PLA2G6: variants seen among roughly 807,000 people sequenced by gnomAD.
PLA2G6 encodes the protein phospholipase A2 group VI, also known as 85/88 kDa calcium-independent phospholipase A2.
Under a neutral mutation model 83.8 loss-of-function variants are expected in PLA2G6, and 62 were observed. The ratio of observed to expected loss-of-function variants is 0.74; its 90% confidence interval spans 0.60 to 0.91. PLA2G6 has a LOEUF of 0.91. Ranked by LOEUF, PLA2G6 falls within the 40% of genes least tolerant of loss-of-function variation. The probability of loss-of-function intolerance (pLI) is 0.00; values close to 1 mark genes in which losing one functional copy is unlikely to be tolerated. For synonymous variants in PLA2G6, 417 were observed against 449.8 expected, an observed-to-expected ratio of 0.93 and a Z score of 0.92; for missense variants, 944 against 1,102.0, an observed-to-expected ratio of 0.86 and a Z score of 2.03.
At chr22:38,112,657 CGGAGCCCCAGCCTGG>C in intron 15 of PLA2G6, 80 bp from the exon 16 acceptor site, 2 of 1,232,080 alleles carry the variant, frequency 1.6e-6, no homozygotes, top group Non-Finnish European at 2.3e-6. Flanking sequence ...CCTGCACTCT[CGGAGCCCCAGCCTGG>C]GGAGCCCCAG....
intron 10 of PLA2G6, chr22:38,125,515 G>C (rs1027336698): frequency 2.0e-5 from 7 of 348,832 alleles, no homozygotes; most frequent in Admixed American, 4.1e-5. Flanking sequence ...TCTGAGAAGA[G>C]AGCTTTCCCT....
chr22:38,131,289 T>A (rs1005625381), intron 7 of PLA2G6: 1 of 152,212 alleles, frequency 6.6e-6, no homozygotes, highest in Admixed American at 6.5e-5. Flanking sequence ...CCTCCCAAAG[T>A]GCTGGTGTAC....
In PLA2G6 at chr22:38,165,119, C is replaced by T. The variant is rs555010822; in HGVS notation, c.209+4099G>A. On this transcript the variant is annotated intron_variant, in intron 2 of 16. Coordinates refer to ENST00000332509, the MANE Select transcript of PLA2G6 (RefSeq NM_003560.4). Reference sequence around the variant, plus strand: ...CCTCCCACTTCCCAGCTCACTCCTTCAACTGCCCTCAATGCAACAGTCCTC... The same window carrying T: ...CCTCCCACTTCCCAGCTCACTCCTTTAACTGCCCTCAATGCAACAGTCCTC... Among the ~76,000 whole-genome samples, 3 of 152,374 alleles carry T rather than the reference C, an allele frequency of 2.0e-5. No individual in the cohort carries two copies. The South Asian group carries it at 6.2e-4, about 32-fold the overall frequency.
rs1425894976 is a variant in PLA2G6, at chr22:38,143,191, A to C, written c.523T>G (p.Cys175Gly). 6.2e-7 allele frequency: 1 copy of C among 1,614,046 alleles called. No homozygotes were observed. Among genetic ancestry groups the C allele is most frequent in the African/African-American group, 1.3e-5 (1 of 74,930 alleles). Residue 175 changes from cysteine (C) to glycine (G), a missense_variant, in exon 4 of 17, where the codon TGC becomes GGC. By Grantham distance (159) the Cys-to-Gly change is radical. Coordinates refer to ENST00000332509, the MANE Select transcript of PLA2G6 (RefSeq NM_003560.4). Reference protein sequence around the residue: ...GEILVELVQYCHTQMDVTDYK... With the variant: ...GEILVELVQYGHTQMDVTDYK... ...TCGGTGACATCCATCTGAGTGTGGC[A>C]GTACTGCACCAGCTCCACCAGGATC... is the stretch of plus-strand genomic sequence containing the variant.
chr22:38,128,273 G>A lies in PLA2G6; in HGVS notation c.1344C>T (p.Asn448=). 1.9e-6 allele frequency: 3 copies of A among 1,612,548 alleles called. No homozygotes were observed. Among genetic ancestry groups the A allele is most frequent in the Non-Finnish European group, 2.5e-6 (3 of 1,179,958 alleles). ...RAQPPPISLN[N]LELQDLMHIS... ...GAGTCGGGAGGCGAGGCCTACCTAG[G>A]TTGTTTAGGCTGATCGGTGGGGGCT... Residue 448 remains asparagine, a synonymous_variant, in exon 9 of 17, where the codon AAC becomes AAT. Coordinates refer to ENST00000332509, the MANE Select transcript of PLA2G6 (RefSeq NM_003560.4). This position sits in a 1 kb window ranked among gnomAD's most constrained non-coding sequence, Gnocchi z 4.4.
chr22:38,128,985 T>C lies in PLA2G6; in HGVS notation c.1186+469A>G, dbSNP rs1188232882. Reference sequence around the variant, plus strand: ...GGCTCCAGGCCTCTGGTGAGGAGGATCTGCTCTGTCCAGCTCTGAAGCTAA... The same window carrying C: ...GGCTCCAGGCCTCTGGTGAGGAGGACCTGCTCTGTCCAGCTCTGAAGCTAA... On this transcript the variant is annotated intron_variant, in intron 8 of 16. Transcript: ENST00000332509. This position sits in a 1 kb window ranked among gnomAD's most constrained non-coding sequence, Gnocchi z 4.4. 1.3e-5 allele frequency among the ~76,000 whole-genome samples: 2 copies of C among 152,220 alleles called. No homozygotes were observed. The highest frequency in any genetic ancestry group is 4.8e-5 in the African/African-American group (2 of 41,462).
chr22:38,148,519 A>G (rs2089391678), intron 2 of PLA2G6: 2 of 717,154 alleles, frequency 2.8e-6, no homozygotes, highest in Non-Finnish European at 5.2e-6. Context: ...ATGGAAACCC[A>G]GGAATTGCAG....
At chr22:38,135,326 C>A in intron 5 of PLA2G6, 1 of 522,696 alleles carries the variant, frequency 1.9e-6, no homozygotes, top group South Asian at 2.1e-5. Context: ...CTCCCTGGTA[C>A]TGGCTTTAGA....
intron 11 of PLA2G6, 105 bp from the exon 12 acceptor site, chr22:38,121,014 G>A (rs1250076266): frequency 8.5e-6 from 12 of 1,414,212 alleles, no homozygotes; most frequent in African/African-American, 4.2e-5. Context: ...AGGAGGAAGC[G>A]GGTTTACCGA....
In PLA2G6 at chr22:38,112,003, G is replaced by C; in HGVS notation, c.*158C>G. On this transcript the variant is annotated 3_prime_UTR_variant, in exon 17 of 17. Coordinates refer to ENST00000332509, the MANE Select transcript of PLA2G6 (RefSeq NM_003560.4). ...GGGTTAGTGGGAGACAGGCCTTCAG[G>C]ACCAGCCTCGGGCAGGCAGCTTGGC... is the stretch of plus-strand genomic sequence containing the variant. The C allele has an allele frequency of 1.2e-6, 1 of 821,210 alleles. No homozygotes were observed. Among genetic ancestry groups the C allele is most frequent in the Non-Finnish European group, 2.0e-6 (1 of 504,142 alleles). 50.9% of individuals were successfully genotyped at this position (821,210 alleles called of 1,614,324 possible). A position where few individuals can be genotyped will look rare whatever the true frequency, so the allele number is the denominator to read the frequency against.
chr22:38,160,107 T>C (rs1473563022), intron 2 of PLA2G6, among the ~76,000 whole-genome samples: 1 of 152,178 alleles, frequency 6.6e-6, no homozygotes, highest in Non-Finnish European at 1.5e-5. Flanking sequence ...GAAGAGGATA[T>C]CCAAATGGTT....
chr22:38,169,184 G>T, intron 2 of PLA2G6, 34 bp downstream of exon 2: 5 of 1,529,074 alleles, frequency 3.3e-6, no homozygotes, highest in Non-Finnish European at 4.5e-6. Context: ...GGGAGTGAAA[G>T]GAGAGAAGTA....
At chr22:38,178,331 G>A (rs984375582) in intron 1 of PLA2G6, among the ~76,000 whole-genome samples, 1 of 152,286 alleles carries the variant, frequency 6.6e-6, no homozygotes, top group East Asian at 1.9e-4. Context: ...AGCACTTTAG[G>A]AGGCCAAGGA....
intron 2 of PLA2G6, among the ~76,000 whole-genome samples, chr22:38,159,348 G>A (rs1286106751): frequency 1.3e-5 from 2 of 152,134 alleles, no homozygotes; most frequent in African/African-American, 4.8e-5. Context: ...ATTTGTTAAA[G>A]AAATCGAATC....
Position 38,132,513 on chromosome 22 carries a change from C to A in PLA2G6, c.1077+318G>T. ...TTCCAGATGAGGAAATCGAGGCTGA[C>A]AGGTGACATGGCTTGCTCAGGGCCA... On this transcript the variant is annotated intron_variant, in intron 7 of 16. Transcript: ENST00000332509. The surrounding 1 kb of genome is among the most constrained non-coding windows in gnomAD (Gnocchi z 5.0). 2 of 478,530 alleles carry A rather than the reference C, an allele frequency of 4.2e-6. No homozygotes were observed. Among genetic ancestry groups the A allele is most frequent in the Non-Finnish European group, 7.6e-6 (2 of 264,532 alleles). The allele number at this position is 478,530 out of a possible 1,614,324, so 29.6% of individuals were successfully genotyped here.
intron 1 of PLA2G6, among the ~76,000 whole-genome samples, chr22:38,177,555 C>T (rs1420144660): frequency 1.3e-5 from 2 of 151,318 alleles, no homozygotes; most frequent in Admixed American, 6.6e-5. Flanking sequence ...CTCTGCCTCC[C>T]GGGTTCAAGC....
At chr22:38,126,678 C>T in intron 9 of PLA2G6, 1 of 556,690 alleles carries the variant, frequency 1.8e-6, no homozygotes, top group East Asian at 3.2e-5. Context: ...GGGCCCACTG[C>T]TCTGGGAAGG....
chr22:38,172,797 A>G (rs2090486043), intron 1 of PLA2G6, among the ~76,000 whole-genome samples: 1 of 152,204 alleles, frequency 6.6e-6, no homozygotes, highest in African/African-American at 2.4e-5. Flanking sequence ...GAAATCAAAG[A>G]AAGATTCCAC....
chr22:38,112,697 G>C (rs1037456685), intron 15 of PLA2G6, 120 bp from the exon 16 acceptor site: 3 of 822,722 alleles, frequency 3.6e-6, no homozygotes, highest in Non-Finnish European at 6.0e-6. Context: ...TTTCGAGTCA[G>C]GCTGAGCCAC....
Sources: allele counts gnomAD v4.1 joint callset (sites outside exome capture counted in the v4.1 genomes callset), GRCh38; gene constraint gnomAD v4.1.1; non-coding constraint Gnocchi (gnomAD v3.1); transcripts MANE v1.5; gene names NCBI Gene and HGNC (gene_info 2026-07-23, HGNC 2026-07-21).